Variants in GALNT17 observed in about 807,000 individuals in gnomAD.
GALNT17 encodes polypeptide N-acetylgalactosaminyltransferase 17, also known as UDP-GalNAc:polypeptide N-acetylgalactosaminyltransferase-like 3.
A neutral mutation model predicts 63.7 loss-of-function variants in GALNT17; 29 were observed. The observed-to-expected ratio is 0.46, with a 90% CI of 0.34 to 0.62. The LOEUF (loss-of-function observed/expected upper bound fraction) is 0.62, where lower values mean the gene tolerates loss of function less well. GALNT17 is among the 20% of genes least tolerant of loss of function. The pLI is 0.01. For synonymous variants in GALNT17, 305 were observed against 318.3 expected (o/e 0.96, Z 0.45); for missense variants, 603 against 799.6 (o/e 0.75, Z 2.97).
chr7:71,147,368 G>C (rs1264801494), intron 1 of GALNT17, among the ~76,000 whole-genome samples: 1 of 152,132 alleles, frequency 6.6e-6, no homozygotes, highest in Non-Finnish European at 1.5e-5. Flanking sequence ...AAAGAAGTAG[G>C]CTGGGAAGCT....
intron 6 of GALNT17, among the ~76,000 whole-genome samples, chr7:71,593,448 T>G: frequency 6.6e-6 from 1 of 152,006 alleles, no homozygotes; most frequent in East Asian, 1.9e-4. Flanking sequence ...GTATTTTTGG[T>G]AGAGACAGGG....
chr7:71,699,972 T>C (rs1409476273), intron 9 of GALNT17, among the ~76,000 whole-genome samples: 1 of 151,876 alleles, frequency 6.6e-6, no homozygotes, highest in African/African-American at 2.4e-5. Context: ...TGTATGATGA[T>C]AAAATATTCC....
At chr7:71,513,347 G>A (rs367609354) in intron 5 of GALNT17, among the ~76,000 whole-genome samples, 2 of 151,952 alleles carry the variant, frequency 1.3e-5, no homozygotes, top group East Asian at 1.9e-4. Context: ...TCAACTCATG[G>A]CCAATCTTCC....
chr7:71,232,518 G>T (rs1306102153), intron 1 of GALNT17, among the ~76,000 whole-genome samples: 1 of 152,124 alleles, frequency 6.6e-6, no homozygotes, highest in Non-Finnish European at 1.5e-5. Context: ...TAAGTGATTG[G>T]AAGTGATGCA....
chr7:71,301,903 G>T (rs769189799), intron 1 of GALNT17, among the ~76,000 whole-genome samples: 1 of 152,164 alleles, frequency 6.6e-6, no homozygotes, highest in Non-Finnish European at 1.5e-5. Flanking sequence ...TGAAGAACCT[G>T]CTATTGACAG....
At chr7:71,500,368 G>A (rs923794596) in intron 5 of GALNT17, among the ~76,000 whole-genome samples, 1 of 152,176 alleles carries the variant, frequency 6.6e-6, no homozygotes, top group African/African-American at 2.4e-5. Flanking sequence ...ACTGCACGAT[G>A]ATTTTGAACT....
At chr7:71,629,820 C>T (rs1178228528) in intron 6 of GALNT17, among the ~76,000 whole-genome samples, 1 of 152,186 alleles carries the variant, frequency 6.6e-6, no homozygotes, top group Non-Finnish European at 1.5e-5. Flanking sequence ...GGCAGTCTTG[C>T]TGTATTTCCC....
chr7:71,528,513 T>C (rs1788661955), intron 5 of GALNT17, among the ~76,000 whole-genome samples: 4 of 152,146 alleles, frequency 2.6e-5, no homozygotes, highest in Admixed American at 2.6e-4. Flanking sequence ...GTCTGCTCCA[T>C]GTGTCTTCTC....
chr7:71,550,435 C>T (rs1789056888), intron 5 of GALNT17, among the ~76,000 whole-genome samples: 1 of 152,064 alleles, frequency 6.6e-6, no homozygotes, highest in African/African-American at 2.4e-5. Context: ...GGCTGGAGTG[C>T]AGTGGCGTGA....
intron 6 of GALNT17, among the ~76,000 whole-genome samples, chr7:71,593,520 T>A (rs1789842422): frequency 6.6e-6 from 1 of 152,138 alleles, no homozygotes; most frequent in East Asian, 1.9e-4. Flanking sequence ...CATCTTGGCC[T>A]CCCAAAGTGC....
chr7:71,552,149 A>T (rs1789090592), intron 5 of GALNT17, among the ~76,000 whole-genome samples: 1 of 151,706 alleles, frequency 6.6e-6, no homozygotes, highest in Non-Finnish European at 1.5e-5. Flanking sequence ...GGTTCAAGCA[A>T]TTCTCATGCC....
intron 2 of GALNT17, among the ~76,000 whole-genome samples, chr7:71,383,404 A>G (rs886423512): frequency 1.3e-5 from 2 of 152,226 alleles, no homozygotes; most frequent in Non-Finnish European, 2.9e-5. Context: ...TATAAATGTC[A>G]TGTAAATAAT....
chr7:71,570,682 A>G (rs991151854), intron 5 of GALNT17, among the ~76,000 whole-genome samples: 2 of 152,060 alleles, frequency 1.3e-5, no homozygotes, highest in African/African-American at 4.8e-5. Flanking sequence ...TTTTGAAGCT[A>G]AAAGACAGCC....
chr7:71,276,999 AAAAT>A (rs898414168), intron 1 of GALNT17, among the ~76,000 whole-genome samples: 3 of 152,322 alleles, frequency 2.0e-5, no homozygotes, highest in African/African-American at 4.8e-5. Context: ...CTCCATCTCA[AAAAT>A]AAATAAATAA....
At chr7:71,471,117 G>T (rs1787620880) in intron 5 of GALNT17, among the ~76,000 whole-genome samples, 1 of 150,408 alleles carries the variant, frequency 6.6e-6, no homozygotes, top group South Asian at 2.1e-4. Context: ...TCACTCTATT[G>T]TCCAGGCTGG....
intron 1 of GALNT17, among the ~76,000 whole-genome samples, chr7:71,145,249 T>C (rs1585836378): frequency 6.6e-6 from 1 of 152,168 alleles, no homozygotes; most frequent in Non-Finnish European, 1.5e-5. Flanking sequence ...CATGTTTACC[T>C]TGTTATCCAT....
chr7:71,549,230 A>G (rs184475536), intron 5 of GALNT17, among the ~76,000 whole-genome samples: 4 of 152,286 alleles, frequency 2.6e-5, no homozygotes, highest in Non-Finnish European at 5.9e-5. Context: ...TTAGACCTAT[A>G]TGGCTTGAAG....
intron 5 of GALNT17, among the ~76,000 whole-genome samples, chr7:71,560,109 G>T (rs919332021): frequency 6.9e-6 from 1 of 145,000 alleles, no homozygotes; most frequent in South Asian, 2.2e-4. Flanking sequence ...CAGGAGAATC[G>T]CTTGAATCCG....
At chr7:71,335,168 A>G (rs553304191) in intron 1 of GALNT17, among the ~76,000 whole-genome samples, 39 of 151,994 alleles carry the variant, frequency 2.6e-4, no homozygotes, top group Non-Finnish European at 4.0e-4. Flanking sequence ...GTCTTGCTCT[A>G]TTGCCCAGGC....
Sources: allele counts gnomAD v4.1 joint callset (sites outside exome capture counted in the v4.1 genomes callset), GRCh38; gene constraint gnomAD v4.1.1; transcripts MANE v1.5; gene names NCBI Gene and HGNC (gene_info 2026-07-23, HGNC 2026-07-21).